CACNB2: variants seen among roughly 807,000 people sequenced by gnomAD.
CACNB2 encodes calcium voltage-gated channel auxiliary subunit beta 2, also known as voltage-dependent L-type calcium channel subunit beta-2.
A neutral mutation model predicts 73.3 loss-of-function variants in CACNB2; 42 were observed. That is an observed-to-expected ratio of 0.57 (90% CI 0.45 to 0.74). The LOEUF is 0.74. Among genes scored for constraint, CACNB2 ranks in the 30% least tolerant of loss-of-function variants. The pLI is 0.00. For missense variants in CACNB2, 940 were observed against 853.0 expected (o/e 1.10, Z -1.27); for synonymous variants, 348 against 310.3 (o/e 1.12, Z -1.28).
intron 2 of CACNB2, among the ~76,000 whole-genome samples, chr10:18,340,246 T>C (rs2041176970): frequency 6.6e-6 from 1 of 152,148 alleles, no homozygotes; most frequent in Non-Finnish European, 1.5e-5. Context: ...ATGCTGTCTT[T>C]TAATATAAAG....
At chr10:18,341,492 C>T (rs2041230688) in intron 2 of CACNB2, among the ~76,000 whole-genome samples, 1 of 152,120 alleles carries the variant, frequency 6.6e-6, no homozygotes, top group African/African-American at 2.4e-5. Context: ...AGCTTTGCCA[C>T]ACGAGGACTG....
chr10:18,522,149 G>A (rs953710700), intron 9 of CACNB2, among the ~76,000 whole-genome samples: 1 of 151,982 alleles, frequency 6.6e-6, no homozygotes, highest in Non-Finnish European at 1.5e-5. Flanking sequence ...TCTAATGCCT[G>A]GTGTTCTTTC....
intron 3 of CACNB2, among the ~76,000 whole-genome samples, chr10:18,409,234 G>T (rs1235025105): frequency 6.6e-6 from 1 of 151,512 alleles, no homozygotes; most frequent in South Asian, 2.1e-4. Flanking sequence ...GGAGGCGGAG[G>T]TTGCAGTGAG....
intron 2 of CACNB2, among the ~76,000 whole-genome samples, chr10:18,180,411 AG>A (rs965242182): frequency 3.9e-5 from 6 of 152,040 alleles, no homozygotes; most frequent in African/African-American, 1.4e-4. Flanking sequence ...TACGTCAGGC[AG>A]GATGATATAA....
chr10:18,530,524 A>AG (rs2052902193), intron 10 of CACNB2, among the ~76,000 whole-genome samples: 1 of 151,858 alleles, frequency 6.6e-6, no homozygotes, highest in Non-Finnish European at 1.5e-5. Context: ...AAAAAAAAAA[A>AG]AAAAATGCAG....
chr10:18,151,890 A>G (rs912300468), intron 2 of CACNB2, among the ~76,000 whole-genome samples: 1 of 152,148 alleles, frequency 6.6e-6, no homozygotes, highest in Non-Finnish European at 1.5e-5. Context: ...TGTCATTTGG[A>G]TGCCACTTTC....
chr10:18,265,276 C>A (rs1302528458), intron 2 of CACNB2, among the ~76,000 whole-genome samples: 2 of 151,174 alleles, frequency 1.3e-5, no homozygotes, highest in East Asian at 3.9e-4. Flanking sequence ...ACTACAAGTG[C>A]CCGCCAATTT....
rs142639223 is a variant in CACNB2, at chr10:18,539,443, G to C, written c.1702G>C (p.Val568Leu). 65 of 1,613,860 alleles carry C rather than the reference G, an allele frequency of 4.0e-5. No homozygotes were observed. Among genetic ancestry groups the C allele is most frequent in the South Asian group, 4.4e-5 (4 of 91,066 alleles). ...CCAGGAGAGTCGAGACTCTGCCTAC[G>C]TAGAGCCAAAGGAAGATTATTCCCA... ...ETQESRDSAY[V>L]EPKEDYSHDH... The change falls in exon 14 of 14, where the codon GTA (valine) becomes CTA (leucine). Residue 568 changes from valine (V) to leucine (L), a missense_variant. By Grantham distance (32) the Val-to-Leu change is conservative (BLOSUM62 1). Transcript: ENST00000324631.
At chr10:18,372,414 A>G (rs1451211977) in intron 2 of CACNB2, among the ~76,000 whole-genome samples, 6 of 151,928 alleles carry the variant, frequency 3.9e-5, no homozygotes, top group Non-Finnish European at 8.8e-5. Flanking sequence ...TTTCATTTTT[A>G]CTTTTATTTT....
At chr10:18,528,085 A>G (rs1346733922) in intron 10 of CACNB2, among the ~76,000 whole-genome samples, 1 of 152,200 alleles carries the variant, frequency 6.6e-6, no homozygotes, top group Non-Finnish European at 1.5e-5. Context: ...CATTGCAAGG[A>G]TTAAACATGA....
intron 2 of CACNB2, among the ~76,000 whole-genome samples, chr10:18,384,797 G>GA (rs2043157745): frequency 6.7e-6 from 1 of 148,706 alleles, no homozygotes. Flanking sequence ...TATGAACATG[G>GA]TAAAAAAAAA....
chr10:18,144,634 C>A (rs150725869), intron 1 of CACNB2, among the ~76,000 whole-genome samples: 1 of 152,168 alleles, frequency 6.6e-6, no homozygotes, highest in Admixed American at 6.5e-5. Flanking sequence ...CTGGTCTGAA[C>A]TGATATGTGC....
intron 9 of CACNB2, among the ~76,000 whole-genome samples, chr10:18,524,479 T>A (rs1392541927): frequency 4.7e-5 from 7 of 149,840 alleles, no homozygotes; most frequent in Non-Finnish European, 7.4e-5. Context: ...AACATGGTGA[T>A]ACCTGTTTCT....
intron 3 of CACNB2, among the ~76,000 whole-genome samples, chr10:18,482,532 A>G (rs913532203): frequency 5.3e-5 from 8 of 151,940 alleles, no homozygotes; most frequent in Non-Finnish European, 1.2e-4. Flanking sequence ...TTGTTTTGAG[A>G]TGCAGTCTCG....
chr10:18,310,087 G>A (rs538406395), intron 2 of CACNB2, among the ~76,000 whole-genome samples: 1 of 151,722 alleles, frequency 6.6e-6, no homozygotes, highest in Non-Finnish European at 1.5e-5. Context: ...TCTTAATTTG[G>A]TCTCAAATAG....
chr10:18,540,345 T>TAC lies in CACNB2; in HGVS notation c.*622_*623insCA, dbSNP rs2054005577. 1 of 151,718 alleles carries TAC rather than the reference T, an allele frequency of 6.6e-6. No homozygotes were observed. The highest frequency in any genetic ancestry group is 2.4e-5 in the African/African-American group (1 of 41,298). The allele number at this position is 151,718 out of a possible 1,614,324, so 9.4% of individuals were successfully genotyped here. On this transcript the variant is annotated 3_prime_UTR_variant, in exon 14 of 14. Transcript: ENST00000324631. ...TTATTATATATATAATATATATATA[T>TAC]ATCAGTTTGATCACACTATTTTAGA...
At chr10:18,532,963 A>T (rs1046046441) in intron 10 of CACNB2, 1 of 151,992 alleles carries the variant, frequency 6.6e-6, no homozygotes, top group Non-Finnish European at 1.5e-5. Context: ...TTTTTTAAAG[A>T]TATCTAGGTA....
rs535648715 is a variant in CACNB2 at position 18,418,256 on chromosome 10, G to A, written c.333+16213G>A. 2.6e-5 allele frequency among the ~76,000 whole-genome samples: 4 copies of A among 152,270 alleles called. No individual in the cohort carries two copies. In the East Asian group the frequency reaches 7.7e-4, roughly 29 times the overall value. Reference sequence around the variant, plus strand: ...TGCTCAGCTAATTTTTGTATTTTTAGTAGCAATGGGGTTTCACGATATTAG... The same window carrying A: ...TGCTCAGCTAATTTTTGTATTTTTAATAGCAATGGGGTTTCACGATATTAG... On this transcript the variant is annotated intron_variant, in intron 3 of 13. Transcript: ENST00000324631.
chr10:18,182,714 C>T (rs566021650), intron 2 of CACNB2, among the ~76,000 whole-genome samples: 5 of 150,916 alleles, frequency 3.3e-5, no homozygotes, highest in South Asian at 2.1e-4. Flanking sequence ...CCCTGCTACT[C>T]GGGAGGCTGA....
Sources: gnomAD v4.1 joint callset for allele counts (sites outside exome capture counted in the v4.1 genomes callset) on GRCh38, gnomAD v4.1.1 for gene constraint, MANE v1.5 for transcripts, NCBI Gene and HGNC (gene_info 2026-07-23, HGNC 2026-07-21) for gene names.